NRG1: variants seen among roughly 807,000 people sequenced by gnomAD.
NRG1 encodes the protein pro-neuregulin-1, membrane-bound isoform.
NRG1 carries 18 observed loss-of-function variants against 63.8 expected under a neutral mutation model. The observed-to-expected ratio is 0.28, with a 90% CI of 0.19 to 0.42. The LOEUF (loss-of-function observed/expected upper bound fraction) is 0.42, where lower values mean the gene tolerates loss of function less well. Ranked by LOEUF, NRG1 falls within the 10% of genes least tolerant of loss-of-function variation. The probability of loss-of-function intolerance (pLI) is 1.00; values close to 1 mark genes in which losing one functional copy is unlikely to be tolerated. For synonymous variants in NRG1, 302 were observed against 301.3 expected (o/e 1.00, Z -0.02); for missense variants, 762 against 814.7 (o/e 0.94, Z 0.79).
At chr8:32,505,881 GT>G (rs1374889480) in intron 1 of NRG1, among the ~76,000 whole-genome samples, 1 of 152,186 alleles carries the variant, frequency 6.6e-6, no homozygotes, top group East Asian at 1.9e-4. Context: ...TTTTGCTAGT[GT>G]TTTTTAGGGT....
At chr8:32,280,445 A>G (rs1240708480) in intron 1 of NRG1, among the ~76,000 whole-genome samples, 2 of 152,200 alleles carry the variant, frequency 1.3e-5, no homozygotes, top group African/African-American at 4.8e-5. Flanking sequence ...ATTTGAAAAC[A>G]TTATGCTAAG....
At chr8:32,060,012 T>A (rs1267983501) in intron 1 of NRG1, among the ~76,000 whole-genome samples, 1 of 151,984 alleles carries the variant, frequency 6.6e-6, no homozygotes, top group Non-Finnish European at 1.5e-5. Context: ...TTCCAACAAC[T>A]GTGTTTTTAG....
chr8:32,714,517 A>G (rs1818667528), intron 5 of NRG1, among the ~76,000 whole-genome samples: 1 of 152,216 alleles, frequency 6.6e-6, no homozygotes, highest in African/African-American at 2.4e-5. Flanking sequence ...TCTAGACAAC[A>G]CAAATGGGGG....
intron 1 of NRG1, among the ~76,000 whole-genome samples, chr8:32,144,275 A>T (rs1392782340): frequency 6.6e-6 from 1 of 152,178 alleles, no homozygotes. Flanking sequence ...AAGAAAGAAA[A>T]TGGTTGAGCC....
intron 5 of NRG1, among the ~76,000 whole-genome samples, chr8:32,629,509 C>A (rs1282433096): frequency 1.3e-5 from 2 of 152,082 alleles, no homozygotes; most frequent in Non-Finnish European, 2.9e-5. Flanking sequence ...TTAAGTTGTA[C>A]ACATTTACAA....
intron 1 of NRG1, among the ~76,000 whole-genome samples, chr8:31,720,933 A>G (rs1440245101): frequency 6.6e-6 from 1 of 152,210 alleles, no homozygotes; most frequent in Non-Finnish European, 1.5e-5. Context: ...ATCTTTGTGG[A>G]TAAATGTGTT....
intron 1 of NRG1, among the ~76,000 whole-genome samples, chr8:31,998,558 T>A (rs1812406530): frequency 6.6e-6 from 1 of 151,896 alleles, no homozygotes; most frequent in East Asian, 1.9e-4. Context: ...TGTATATAGG[T>A]TCTTTGGAGA....
intron 1 of NRG1, among the ~76,000 whole-genome samples, chr8:32,311,771 C>G (rs1856825449): frequency 6.6e-6 from 1 of 152,084 alleles, no homozygotes; most frequent in Non-Finnish European, 1.5e-5. Flanking sequence ...TCAGTAGGGC[C>G]CAGAGCCGTG....
chr8:32,761,628 A>G (rs1830686336), intron 11 of NRG1, among the ~76,000 whole-genome samples: 1 of 147,422 alleles, frequency 6.8e-6, no homozygotes, highest in South Asian at 2.1e-4. Context: ...TCTTAGTCTA[A>G]TCCTTGACCA....
intron 1 of NRG1, among the ~76,000 whole-genome samples, chr8:32,528,699 T>A (rs1831138734): frequency 6.6e-6 from 1 of 152,178 alleles, no homozygotes; most frequent in African/African-American, 2.4e-5. Flanking sequence ...TCTTGTCATA[T>A]ATAGAATACA....
At chr8:32,630,646 A>G (rs1850100265) in intron 5 of NRG1, among the ~76,000 whole-genome samples, 1 of 151,982 alleles carries the variant, frequency 6.6e-6, no homozygotes, top group African/African-American at 2.4e-5. Context: ...TCAGATTGAT[A>G]TGGAAGGTTA....
At chr8:32,151,698 G>C (rs1292522325) in intron 1 of NRG1, among the ~76,000 whole-genome samples, 1 of 152,178 alleles carries the variant, frequency 6.6e-6, no homozygotes, top group Non-Finnish European at 1.5e-5. Flanking sequence ...TGAGCAGGGG[G>C]AACCTGGCAA....
At chr8:32,479,552 GAGAGT>G (rs1824965349) in intron 1 of NRG1, among the ~76,000 whole-genome samples, 1 of 152,138 alleles carries the variant, frequency 6.6e-6, no homozygotes, top group African/African-American at 2.4e-5. Context: ...AAGAAAAGGA[GAGAGT>G]AGAGTAAAGG....
At chr8:32,691,561 A>C (rs1811664193) in intron 5 of NRG1, among the ~76,000 whole-genome samples, 1 of 152,226 alleles carries the variant, frequency 6.6e-6, no homozygotes, top group Non-Finnish European at 1.5e-5. Flanking sequence ...TTGCAATTAC[A>C]ACCACAAAAT....
intron 1 of NRG1, among the ~76,000 whole-genome samples, chr8:31,669,599 GA>G (rs1187229465): frequency 6.6e-6 from 1 of 151,666 alleles, no homozygotes; most frequent in African/African-American, 2.4e-5. Context: ...TGAACCATCA[GA>G]AAAAAAAGGA....
intron 1 of NRG1, among the ~76,000 whole-genome samples, chr8:32,245,934 A>G (rs1848554372): frequency 6.6e-6 from 1 of 152,096 alleles, no homozygotes; most frequent in Admixed American, 6.6e-5. Context: ...AAGTTTTCTG[A>G]GCCTGCGAGG....
chr8:32,549,021 G>T (rs901726527), intron 1 of NRG1, among the ~76,000 whole-genome samples, 195 bp downstream of exon 1: 1 of 152,190 alleles, frequency 6.6e-6, no homozygotes, highest in African/African-American at 2.4e-5. Context: ...GAGTCCTACC[G>T]GGCGCCTACG....
At chr8:32,596,327 G>A (rs1050426388) in intron 2 of NRG1, among the ~76,000 whole-genome samples, 3 of 152,102 alleles carry the variant, frequency 2.0e-5, no homozygotes, top group Admixed American at 6.6e-5. Flanking sequence ...TTTCTTGGCC[G>A]GGATGGTGGC....
At chr8:32,614,604 G>A (rs751896688) in intron 4 of NRG1, 40 bp downstream of exon 4, 1 of 1,594,196 alleles carries the variant, frequency 6.3e-7, no homozygotes, top group African/African-American at 1.3e-5. Context: ...TAACCAGAAT[G>A]ACAACCATAA....
Sources: gnomAD v4.1 joint callset for allele counts (sites outside exome capture counted in the v4.1 genomes callset) on GRCh38, gnomAD v4.1.1 for gene constraint, MANE v1.5 for transcripts, NCBI Gene and HGNC (gene_info 2026-07-23, HGNC 2026-07-21) for gene names.